The following CELF2 variants were observed in gnomAD, a reference collection of about 807,000 sequenced individuals.
CELF2 encodes CUGBP Elav-like family member 2.
A neutral mutation model predicts 62.6 loss-of-function variants in CELF2; 8 were observed. The observed-to-expected ratio is 0.13, with a 90% confidence interval of 0.07 to 0.23. CELF2 has a LOEUF of 0.23. Among genes scored for constraint, CELF2 ranks in the 10% least tolerant of loss-of-function variants. The pLI, the probability that CELF2 is intolerant of heterozygous loss-of-function variation, is 1.00. For synonymous variants in CELF2, 258 were observed against 250.0 expected, an observed-to-expected ratio of 1.03 and a Z score of -0.30; for missense variants, 333 against 671.0, an observed-to-expected ratio of 0.50 and a Z score of 5.56.
chr10:10,616,295 GGTGTGT>G, the CELF2 span, among the ~76,000 whole-genome samples: 137 of 143,952 alleles, frequency 9.5e-4, 1 homozygote, highest in Middle Eastern at 7.2e-3. Context: ...TTTTGTTTGG[GGTGTGT>G]GTGTGTGTGT....
rs1056161777 is a variant in CELF2, at chr10:11,330,755, C to A, written c.*1702C>A. The stretch of plus-strand genomic sequence containing the variant: ...AAAACGTTTCTTTCTTATTTTTTTT[C>A]TTTTCCTAAAACAGACTTGAAAGTA... On this transcript the variant is annotated 3_prime_UTR_variant, in exon 13 of 13. Coordinates refer to ENST00000633077, the MANE Select transcript of CELF2 (RefSeq NM_001326342.2). The surrounding 1 kb of genome is among the most constrained non-coding windows in gnomAD (Gnocchi z 4.5). The A allele has an allele frequency of 6.6e-6, 1 of 152,242 alleles. No homozygotes were observed. Among genetic ancestry groups the A allele is most frequent in the Non-Finnish European group, 1.5e-5 (1 of 67,892 alleles). The allele number at this position is 152,242 out of a possible 1,614,324, so 9.4% of individuals were successfully genotyped here.
chr10:10,742,284 T>A, the CELF2 span, among the ~76,000 whole-genome samples: 3 of 152,190 alleles, frequency 2.0e-5, no homozygotes, highest in African/African-American at 2.4e-5. Flanking sequence ...AAATGAGGAC[T>A]TACTGTATAG....
At chr10:10,709,664 C>T in the CELF2 span, among the ~76,000 whole-genome samples, 1 of 152,156 alleles carries the variant, frequency 6.6e-6, no homozygotes, top group Non-Finnish European at 1.5e-5. Flanking sequence ...AAATGTTTTC[C>T]TTTTGTTATT....
chr10:10,862,354 A>G (rs527266713), intron 1 of CELF2, among the ~76,000 whole-genome samples: 16 of 152,292 alleles, frequency 1.1e-4, no homozygotes, highest in African/African-American at 3.9e-4. Context: ...TGAAGGCTCT[A>G]CTGGGGTGTG....
the CELF2 span, among the ~76,000 whole-genome samples, chr10:10,725,237 T>C: frequency 6.6e-6 from 1 of 152,214 alleles, no homozygotes; most frequent in Non-Finnish European, 1.5e-5. Flanking sequence ...CTAACAGTAA[T>C]AATATAACTA....
At chr10:10,639,273 G>A in the CELF2 span, among the ~76,000 whole-genome samples, 1 of 152,126 alleles carries the variant, frequency 6.6e-6, no homozygotes, top group South Asian at 2.1e-4. Context: ...ATGGCTTATG[G>A]TGCTATCAAT....
At chr10:10,843,079 G>A (rs1033033391) in intron 1 of CELF2, among the ~76,000 whole-genome samples, 2 of 151,906 alleles carry the variant, frequency 1.3e-5, no homozygotes, top group African/African-American at 4.8e-5. Flanking sequence ...TGTAGTTATA[G>A]GGTTGTTCAT....
rs372783836 is a variant in CELF2 at position 11,025,207 on chromosome 10, ATGTGTGTGTG to A, written c.74+7068_74+7077del. ...AATATGTGTGGGGGTATATACATAT[ATGTGTGTGTG>A]TGTGTGTGTGTGTGTGTGTGTGTAT... On this transcript the variant is annotated intron_variant, in intron 1 of 12. Coordinates refer to ENST00000633077, the MANE Select transcript of CELF2 (RefSeq NM_001326342.2). 9.9e-5 allele frequency among the ~76,000 whole-genome samples: 14 copies of A among 141,250 alleles called. No individual in the cohort carries two copies. The South Asian group carries it at 2.1e-3, about 21-fold the overall frequency. The allele number at this position is 141,250 out of a possible 152,430, so 92.7% of individuals were successfully genotyped here.
chr10:10,774,243 T>C, the CELF2 span, among the ~76,000 whole-genome samples: 3 of 152,220 alleles, frequency 2.0e-5, no homozygotes, highest in African/African-American at 7.2e-5. Context: ...GGAGCCTTTG[T>C]GGATAGACGG....
the CELF2 span, among the ~76,000 whole-genome samples, chr10:10,719,021 T>C: frequency 6.8e-6 from 1 of 148,144 alleles, no homozygotes; most frequent in East Asian, 2.0e-4. Context: ...AGTCTCACTC[T>C]GTCACCCAGG....
chr10:11,284,499 T>A (rs1324616071), intron 8 of CELF2, among the ~76,000 whole-genome samples: 1 of 54,004 alleles, frequency 1.9e-5, no homozygotes, highest in Non-Finnish European at 3.5e-5. Context: ...GAGTGTGTGG[T>A]GGGGGATGAG....
At chr10:10,857,639 CATATATATAGT>C (rs1278221212) in intron 1 of CELF2, among the ~76,000 whole-genome samples, 146 of 79,088 alleles carry the variant, frequency 1.8e-3, no homozygotes, top group African/African-American at 6.8e-3. Context: ...TGGTAAACTA[CATATATATAGT>C]ATATATATAT....
intron 2 of CELF2, among the ~76,000 whole-genome samples, chr10:11,205,817 C>T (rs534676313): frequency 1.3e-5 from 2 of 152,282 alleles, no homozygotes; most frequent in South Asian, 2.1e-4. Flanking sequence ...CAGCTATTGC[C>T]GGAGTGGGGT....
the CELF2 span, among the ~76,000 whole-genome samples, chr10:10,479,652 G>T: frequency 6.6e-6 from 1 of 152,120 alleles, no homozygotes; most frequent in African/African-American, 2.4e-5. Context: ...AAGAATACGA[G>T]CTCTGGAACC....
intron 2 of CELF2, chr10:11,171,318 T>G (rs576882261): frequency 6.6e-6 from 1 of 152,372 alleles, no homozygotes; most frequent in South Asian, 2.1e-4. Context: ...TGTTTCAGCC[T>G]CGTCTTGGTC....
chr10:10,512,671 T>C, the CELF2 span, among the ~76,000 whole-genome samples: 1 of 152,122 alleles, frequency 6.6e-6, no homozygotes, highest in African/African-American at 2.4e-5. Flanking sequence ...CACCTCAGCT[T>C]CCCAAAGTGC....
rs999909407 is a variant in CELF2 at position 11,237,792 on chromosome 10, G to A, written c.355-11361G>A. 7.2e-5 allele frequency among the ~76,000 whole-genome samples: 11 copies of A among 152,184 alleles called. No homozygotes were observed. Among genetic ancestry groups the A allele is most frequent in the Non-Finnish European group, 1.3e-4 (9 of 68,038 alleles). On this transcript the variant is annotated intron_variant, in intron 3 of 12. Coordinates refer to ENST00000633077, the MANE Select transcript of CELF2 (RefSeq NM_001326342.2). The surrounding 1 kb of genome is among the most constrained non-coding windows in gnomAD (Gnocchi z 4.0). ...GCACTGAGGCCCCAGGCAGCGTCACGGCCAGAGACAAATGTCACAAGGATG... is the reference window on the plus strand; with the variant it reads ...GCACTGAGGCCCCAGGCAGCGTCACAGCCAGAGACAAATGTCACAAGGATG...
At position 11,321,466 on chromosome 10, in the gene CELF2, A is replaced by T; in HGVS notation, c.1294+80A>T. The T allele has an allele frequency of 1.8e-6, 2 of 1,100,734 alleles. No individual in the cohort carries two copies. The highest frequency in any genetic ancestry group is 2.6e-6 in the Non-Finnish European group (2 of 764,928). The allele number at this position is 1,100,734 out of a possible 1,614,324, so 68.2% of individuals were successfully genotyped here. On this transcript the variant is annotated intron_variant, in intron 11 of 12. Coordinates refer to ENST00000633077, the MANE Select transcript of CELF2 (RefSeq NM_001326342.2). The surrounding 1 kb of genome is among the most constrained non-coding windows in gnomAD (Gnocchi z 6.2). ...TCTAGAGCACGGTTAGAAGGTATCAAATTGAACTGAACCCATGTCATAACA... is the reference window on the plus strand; with the variant it reads ...TCTAGAGCACGGTTAGAAGGTATCATATTGAACTGAACCCATGTCATAACA...
intron 2 of CELF2, among the ~76,000 whole-genome samples, chr10:11,169,535 C>T (rs1275123395): frequency 1.4e-5 from 2 of 147,088 alleles, no homozygotes; most frequent in Admixed American, 6.9e-5. Flanking sequence ...TCCCACAGTT[C>T]AGAGGAAATG....
Sources: gnomAD v4.1 joint callset for allele counts (sites outside exome capture counted in the v4.1 genomes callset) on GRCh38, gnomAD v4.1.1 for gene constraint, Gnocchi (gnomAD v3.1) non-coding constraint, MANE v1.5 for transcripts, NCBI Gene and HGNC (gene_info 2026-07-23, HGNC 2026-07-21) for gene names.